The following SLC4A4 variants were observed in gnomAD, a reference collection of about 807,000 sequenced individuals.
The protein encoded by SLC4A4 is solute carrier family 4 member 4.
SLC4A4 carries 27 observed loss-of-function variants against 111.5 expected under a neutral mutation model. The ratio of observed to expected loss-of-function variants is 0.24; its 90% CI spans 0.18 to 0.33. The LOEUF is 0.33. Ranked by LOEUF, SLC4A4 falls within the 10% of genes least tolerant of loss-of-function variation. The pLI, the probability that SLC4A4 is intolerant of heterozygous loss-of-function variation, is 1.00. For missense variants in SLC4A4, 909 were observed against 1,315.5 expected (o/e 0.69, Z 4.78); for synonymous variants, 443 against 463.4 (o/e 0.96, Z 0.57).
intron 8 of SLC4A4, among the ~76,000 whole-genome samples, chr4:71,445,236 T>C (rs1452075594): frequency 1.1e-4 from 17 of 152,124 alleles, no homozygotes; most frequent in Admixed American, 1.1e-3. Context: ...GGATGTAACT[T>C]GGAGGCTCCA....
At chr4:71,223,188 T>C (rs1718849516) in intron 1 of SLC4A4, among the ~76,000 whole-genome samples, 1 of 152,028 alleles carries the variant, frequency 6.6e-6, no homozygotes, top group Non-Finnish European at 1.5e-5. Flanking sequence ...CTTTTTTTTT[T>C]TTTCTGAGAC....
At chr4:71,511,337 G>T (rs902339145) in intron 16 of SLC4A4, among the ~76,000 whole-genome samples, 4 of 152,032 alleles carry the variant, frequency 2.6e-5, no homozygotes, top group African/African-American at 7.2e-5. Flanking sequence ...ATTTGTCTGG[G>T]AAAGTATCTC....
chr4:71,254,282 A>T (rs139635760), intron 2 of SLC4A4, among the ~76,000 whole-genome samples: 1 of 152,158 alleles, frequency 6.6e-6, no homozygotes, highest in Admixed American at 6.6e-5. Context: ...AAGTTTTTCA[A>T]TTTAAAAAAT....
intron 3 of SLC4A4, among the ~76,000 whole-genome samples, chr4:71,311,901 G>GAGAGAC (rs1553888186): frequency 6.7e-6 from 1 of 148,362 alleles, no homozygotes; most frequent in African/African-American, 2.5e-5. Context: ...GAGAGAGAGA[G>GAGAGAC]AGAGAGAGAG....
chr4:71,277,834 A>G (rs1723200116), intron 3 of SLC4A4, among the ~76,000 whole-genome samples: 3 of 152,132 alleles, frequency 2.0e-5, no homozygotes, highest in Non-Finnish European at 1.5e-5. Flanking sequence ...AAATAAAACT[A>G]TATAAATTTA....
intron 5 of SLC4A4, among the ~76,000 whole-genome samples, chr4:71,353,251 G>T (rs1730001752): frequency 6.6e-6 from 1 of 152,106 alleles, no homozygotes; most frequent in African/African-American, 2.4e-5. Context: ...GTTAAAATTT[G>T]ACACTACTAT....
chr4:71,386,172 C>G (rs983124985), intron 6 of SLC4A4, among the ~76,000 whole-genome samples: 1 of 151,978 alleles, frequency 6.6e-6, no homozygotes, highest in African/African-American at 2.4e-5. Flanking sequence ...AAGAGAATTC[C>G]AAAATCTGTT....
In SLC4A4 at chr4:71,216,842, G is replaced by A. The variant is rs571764459; in HGVS notation, c.-1-19734G>A. ...TGTCTGGGAGAAATTAAGGACTTGC[G>A]GCATGACAATACTAGCTACGTGCCT... On this transcript the variant is annotated intron_variant, in intron 1 of 25. Coordinates refer to ENST00000264485, the MANE Select transcript of SLC4A4 (RefSeq NM_001098484.3). 3.0e-4 allele frequency among the ~76,000 whole-genome samples: 45 copies of A among 152,224 alleles called. 1 individual carries two copies. The highest frequency in any genetic ancestry group is 9.9e-4 in the African/African-American group (41 of 41,542).
intron 2 of SLC4A4, among the ~76,000 whole-genome samples, chr4:71,107,578 G>A (rs1292253930): frequency 1.3e-5 from 2 of 152,076 alleles, no homozygotes; most frequent in African/African-American, 2.4e-5. Flanking sequence ...TCAAACTCCC[G>A]ACCTCAAATG....
chr4:71,423,488 A>G (rs1319998678), intron 7 of SLC4A4, among the ~76,000 whole-genome samples: 1 of 152,116 alleles, frequency 6.6e-6, no homozygotes, highest in Non-Finnish European at 1.5e-5. Flanking sequence ...AAAAAACTTG[A>G]TCTTGAAAGT....
rs549272180 is a variant in SLC4A4, at chr4:71,506,945, A to G, written c.2166+9253A>G. Among the ~76,000 whole-genome samples, 4 of 152,298 alleles carry G rather than the reference A, an allele frequency of 2.6e-5. 1 individual carries two copies. The South Asian group carries it at 8.3e-4, about 32-fold the overall frequency. ...AAGAGATTGGGGGCCAATATTTAACATCTTAAAGAAAAGAAAATTGAACCT... is the reference window on the plus strand; with the variant it reads ...AAGAGATTGGGGGCCAATATTTAACGTCTTAAAGAAAAGAAAATTGAACCT... On this transcript the variant is annotated intron_variant, in intron 16 of 25. Coordinates refer to ENST00000264485, the MANE Select transcript of SLC4A4 (RefSeq NM_001098484.3).
intron 1 of SLC4A4, among the ~76,000 whole-genome samples, chr4:71,208,610 CTT>C (rs5859255): frequency 2.0e-5 from 3 of 151,136 alleles, no homozygotes; most frequent in African/African-American, 4.9e-5. Flanking sequence ...AGAAGCAAGC[CTT>C]TTTTTTTGGT....
chr4:71,268,688 C>T (rs758982559), intron 3 of SLC4A4, among the ~76,000 whole-genome samples: 31 of 152,108 alleles, frequency 2.0e-4, no homozygotes, highest in Non-Finnish European at 4.0e-4. Context: ...TCAGGAGGGC[C>T]TCAATGACTG....
Position 71,446,256 on chromosome 4 carries a change from A to G in SLC4A4, c.966-1390A>G, listed in dbSNP as rs538103526. On this transcript the variant is annotated intron_variant, in intron 8 of 25. Coordinates refer to ENST00000264485, the MANE Select transcript of SLC4A4 (RefSeq NM_001098484.3). ...ACATTTTTTAAAGTATTTGCTGTCAATCCTTTTTTATTTGAAGTGAGGGAT... is the reference window on the plus strand; with the variant it reads ...ACATTTTTTAAAGTATTTGCTGTCAGTCCTTTTTTATTTGAAGTGAGGGAT... 2.0e-5 allele frequency among the ~76,000 whole-genome samples: 3 copies of G among 152,276 alleles called. No homozygotes were observed. The South Asian group carries it at 6.2e-4, about 32-fold the overall frequency.
At chr4:71,134,567 G>T (rs1405083965) in intron 2 of SLC4A4, among the ~76,000 whole-genome samples, 2 of 152,180 alleles carry the variant, frequency 1.3e-5, no homozygotes, top group African/African-American at 2.4e-5. Flanking sequence ...TACTTGCTCT[G>T]TGTACTTCTC....
intron 2 of SLC4A4, among the ~76,000 whole-genome samples, chr4:71,168,607 C>T (rs1228621894): frequency 1.3e-5 from 2 of 151,984 alleles, no homozygotes; most frequent in African/African-American, 4.8e-5. Flanking sequence ...CCCCCACCAC[C>T]CCCACTACCC....
intron 2 of SLC4A4, among the ~76,000 whole-genome samples, chr4:71,109,788 C>T (rs115385686): frequency 0.014 from 2,057 of 152,192 alleles, 36 homozygotes; most frequent in African/African-American, 0.046. Context: ...AGTGATCTGT[C>T]GTCCTCGGCC....
chr4:71,497,419 T>C, intron 15 of SLC4A4, 82 bp from the exon 16 acceptor site: 1 of 1,155,408 alleles, frequency 8.7e-7, no homozygotes, highest in South Asian at 1.3e-5. Flanking sequence ...TTTGGTATAA[T>C]TCCTATAGCT....
intron 3 of SLC4A4, among the ~76,000 whole-genome samples, chr4:71,286,490 CTCT>C (rs2149097333): frequency 6.6e-6 from 1 of 152,322 alleles, no homozygotes; most frequent in South Asian, 2.1e-4. Flanking sequence ...TAGCATGTGT[CTCT>C]TCTTGGGCTG....
Sources: allele counts gnomAD v4.1 joint callset (sites outside exome capture counted in the v4.1 genomes callset), GRCh38; gene constraint gnomAD v4.1.1; transcripts MANE v1.5; gene names NCBI Gene and HGNC (gene_info 2026-07-23, HGNC 2026-07-21).